The following PRKN variants were observed in gnomAD, a reference collection of about 807,000 sequenced individuals.
The protein encoded by PRKN is E3 ubiquitin-protein ligase parkin.
PRKN carries 56 observed loss-of-function variants against 59.5 expected under a neutral mutation model. The ratio of observed to expected loss-of-function variants is 0.94; its 90% CI spans 0.76 to 1.18. PRKN has a LOEUF of 1.18. PRKN is among the 50% of genes most tolerant of loss of function. PRKN has a pLI of 0.00. For synonymous variants in PRKN, 250 were observed against 222.1 expected (o/e 1.13, Z -1.12); for missense variants, 657 against 596.4 (o/e 1.10, Z -1.06).
chr6:161,570,451 AT>A (rs112898507), intron 7 of PRKN, among the ~76,000 whole-genome samples: 10,270 of 150,602 alleles, frequency 0.068, 1,053 homozygotes, highest in African/African-American at 0.23. Flanking sequence ...TTATACACAG[AT>A]TTTTTCTTCT....
rs530877197 is a variant in PRKN at position 162,257,759 on chromosome 6, G to A, written c.412+4766C>T. 1.0e-3 allele frequency among the ~76,000 whole-genome samples: 157 copies of A among 152,236 alleles called. 2 individuals are homozygous for A. Among genetic ancestry groups the A allele is most frequent in the African/African-American group, 3.7e-3 (154 of 41,558 alleles). ...GCCCGTTCGCGATGTTCTGGGCAGT[G>A]CAGCAGTTCTAGGATTTGAAAACCT... On this transcript the variant is annotated intron_variant, in intron 3 of 11. Transcript: ENST00000366898.
intron 11 of PRKN, among the ~76,000 whole-genome samples, chr6:161,358,985 G>A (rs890410193): frequency 2.0e-5 from 3 of 151,594 alleles, no homozygotes; most frequent in African/African-American, 4.8e-5. Flanking sequence ...TAGTAGAGAC[G>A]GGGTTTCACT....
At chr6:162,418,783 T>TCCTG (rs1788792311) in intron 2 of PRKN, among the ~76,000 whole-genome samples, 1 of 151,660 alleles carries the variant, frequency 6.6e-6, no homozygotes, top group South Asian at 2.1e-4. Flanking sequence ...CCCAGGGCAC[T>TCCTG]CCTGCCTGCA....
intron 9 of PRKN, among the ~76,000 whole-genome samples, chr6:161,522,312 G>A (rs941793363): frequency 2.0e-5 from 3 of 152,202 alleles, no homozygotes; most frequent in Non-Finnish European, 4.4e-5. Flanking sequence ...AGATGGATAT[G>A]TGCTGCCTTG....
At chr6:162,447,080 TGAGATTATGGATGTATTAGAAAATCTCA>T (rs1354341182) in intron 1 of PRKN, among the ~76,000 whole-genome samples, 5 of 152,194 alleles carry the variant, frequency 3.3e-5, no homozygotes, top group Non-Finnish European at 5.9e-5. Context: ...CAAGATTTAT[TGAGATTATGGATGTATTAGAAAATCTCA>T]GAAAGAGACT....
intron 2 of PRKN, among the ~76,000 whole-genome samples, chr6:162,319,786 A>G (rs1190069318): frequency 6.6e-6 from 1 of 152,046 alleles, no homozygotes; most frequent in African/African-American, 2.4e-5. Context: ...TTGTAAATAC[A>G]TAATACATAC....
intron 6 of PRKN, among the ~76,000 whole-genome samples, chr6:161,849,616 T>C (rs1031773428): frequency 6.6e-5 from 10 of 152,204 alleles, no homozygotes; most frequent in African/African-American, 2.2e-4. Context: ...CTCCTTCCTT[T>C]TGAGATTTTT....
rs560853665 is a variant in PRKN, at chr6:161,724,259, C to A, written c.871+61513G>T. ...TTCATGTTAAATGATTCAAAGTGAT[C>A]GTGAATAGCATATTTTGATACAAGG... On this transcript the variant is annotated intron_variant, in intron 7 of 11. Transcript: ENST00000366898. Among the ~76,000 whole-genome samples, 381 of 152,166 alleles carry A rather than the reference C, an allele frequency of 2.5e-3. 2 individuals are homozygous for A. Among genetic ancestry groups the A allele is most frequent in the Middle Eastern group, 6.8e-3 (2 of 294 alleles).
chr6:161,441,297 T>C (rs1325037829), intron 9 of PRKN, among the ~76,000 whole-genome samples: 3 of 152,198 alleles, frequency 2.0e-5, no homozygotes, highest in African/African-American at 7.2e-5. Context: ...TTGGAAGCTC[T>C]GCATCACAGT....
chr6:162,026,307 G>A (rs1332444959), intron 5 of PRKN, among the ~76,000 whole-genome samples: 3 of 152,188 alleles, frequency 2.0e-5, no homozygotes, highest in Non-Finnish European at 2.9e-5. Flanking sequence ...GATGCCTTCT[G>A]CTAACACTGC....
intron 5 of PRKN, among the ~76,000 whole-genome samples, chr6:162,001,531 A>AGTTCCAGT (rs56243213): frequency 0.55 from 83,799 of 151,288 alleles, 23,299 homozygotes; most frequent in Admixed American, 0.62. Flanking sequence ...ATTACTAACT[A>AGTTCCAGT]GTTTGGGGGA....
rs759140997 is a variant in PRKN at position 162,505,498 on chromosome 6, C to T, written c.8-62025G>A. Among the ~76,000 whole-genome samples, 4 of 152,110 alleles carry T rather than the reference C, an allele frequency of 2.6e-5. No individual in the cohort carries two copies. In the East Asian group the frequency reaches 5.8e-4, roughly 22 times the overall value. On this transcript the variant is annotated intron_variant, in intron 1 of 11. Coordinates refer to ENST00000366898, the MANE Select transcript of PRKN (RefSeq NM_004562.3). The stretch of plus-strand genomic sequence containing the variant: ...TGAATCCGAAATGCTGGCAGTGGGA[C>T]GCAGCAATCCGTGTTTTAACAAGCT...
rs555747013 is a variant in PRKN at position 161,545,139 on chromosome 6, A to AT, written c.1083+3714dup. ...TTGGTTTTCAACTTTTTTATACGCGATTTTTTTTGTAACAGCTAACATTTC... is the reference window on the plus strand; with the variant it reads ...TTGGTTTTCAACTTTTTTATACGCGATTTTTTTTTGTAACAGCTAACATTTC... On this transcript the variant is annotated intron_variant, in intron 9 of 11. Coordinates refer to ENST00000366898, the MANE Select transcript of PRKN (RefSeq NM_004562.3). This position sits in a 1 kb window ranked among gnomAD's most constrained non-coding sequence, Gnocchi z 4.1. 1.0e-3 allele frequency: 1,286 copies of AT among 1,284,930 alleles called. 1 individual carries two copies. Among genetic ancestry groups the AT allele is most frequent in the Non-Finnish European group, 1.2e-3 (1,186 of 1,017,306 alleles). The allele number at this position is 1,284,930 out of a possible 1,614,324, so 79.6% of individuals were successfully genotyped here. A position where few individuals can be genotyped will look rare whatever the true frequency, so the allele number is the denominator to read the frequency against.
intron 7 of PRKN, among the ~76,000 whole-genome samples, chr6:161,640,726 G>C (rs1163560115): frequency 6.6e-6 from 1 of 152,110 alleles, no homozygotes. Flanking sequence ...ATTCAGGCTG[G>C]TGGCACCAAC....
chr6:162,616,996 T>G (rs996141104), intron 1 of PRKN, among the ~76,000 whole-genome samples: 2 of 152,180 alleles, frequency 1.3e-5, no homozygotes, highest in African/African-American at 4.8e-5. Flanking sequence ...GTAAGAATGA[T>G]TTCTTAAAAA....
At chr6:162,513,161 G>GC (rs1272402384) in intron 1 of PRKN, among the ~76,000 whole-genome samples, 1 of 152,104 alleles carries the variant, frequency 6.6e-6, no homozygotes, top group Non-Finnish European at 1.5e-5. Flanking sequence ...AGAGGAAGCA[G>GC]CATGACCAAG....
At chr6:162,109,854 T>C (rs1044083434) in intron 4 of PRKN, among the ~76,000 whole-genome samples, 27 of 152,208 alleles carry the variant, frequency 1.8e-4, no homozygotes, top group African/African-American at 4.8e-4. Context: ...TAGGTGTATA[T>C]TGGACATTAC....
intron 8 of PRKN, among the ~76,000 whole-genome samples, chr6:161,556,757 A>C (rs1157407837): frequency 6.6e-6 from 1 of 152,206 alleles, no homozygotes; most frequent in Non-Finnish European, 1.5e-5. Flanking sequence ...TAAACAGACT[A>C]ACTTGGAGGA....
intron 1 of PRKN, among the ~76,000 whole-genome samples, chr6:162,604,722 A>G (rs112333713): frequency 5.8e-4 from 79 of 137,124 alleles, no homozygotes; most frequent in African/African-American, 2.0e-3. Context: ...TTTAACTTAG[A>G]CCCTGCCATT....
Sources: allele counts gnomAD v4.1 joint callset (sites outside exome capture counted in the v4.1 genomes callset), GRCh38; gene constraint gnomAD v4.1.1; non-coding constraint Gnocchi (gnomAD v3.1); transcripts MANE v1.5; gene names NCBI Gene and HGNC (gene_info 2026-07-23, HGNC 2026-07-21).